Variants in THSD7A observed in about 807,000 individuals in gnomAD.
THSD7A encodes the protein thrombospondin type 1 domain containing 7A, also known as thrombospondin type-1 domain-containing protein 7A.
In THSD7A, 96 loss-of-function variants were observed where a neutral mutation model predicts 231.3. The ratio of observed to expected loss-of-function variants is 0.41; its 90% CI spans 0.35 to 0.49. THSD7A has a LOEUF of 0.49. Among genes scored for constraint, THSD7A ranks in the 20% least tolerant of loss-of-function variants. The pLI is 0.05. For missense variants in THSD7A, 2,290 were observed against 2,070.2 expected (o/e 1.11, Z -2.06); for synonymous variants, 940 against 743.3 (o/e 1.26, Z -4.30).
At chr7:11,560,627 A>G (rs1417039361) in intron 4 of THSD7A, among the ~76,000 whole-genome samples, 1 of 152,130 alleles carries the variant, frequency 6.6e-6, no homozygotes, top group African/African-American at 2.4e-5. Context: ...TTGCTCCCTT[A>G]TAGCATGCAA....
chr7:11,770,306 G>C (rs891378701), intron 1 of THSD7A, among the ~76,000 whole-genome samples: 2 of 151,944 alleles, frequency 1.3e-5, no homozygotes, highest in African/African-American at 2.4e-5. Flanking sequence ...TTTGCTAATA[G>C]AAAATAATAA....
intron 1 of THSD7A, among the ~76,000 whole-genome samples, chr7:11,732,316 G>A (rs1335859140): frequency 6.6e-6 from 1 of 151,750 alleles, no homozygotes. Context: ...AATGTAAATA[G>A]ATGAACTGCA....
At chr7:11,684,685 A>G (rs1386143944) in intron 1 of THSD7A, among the ~76,000 whole-genome samples, 1 of 152,014 alleles carries the variant, frequency 6.6e-6, no homozygotes, top group Non-Finnish European at 1.5e-5. Context: ...CAGGTGAAAG[A>G]TCTCTACAAG....
At chr7:11,806,167 G>A (rs960177840) in intron 1 of THSD7A, among the ~76,000 whole-genome samples, 11 of 152,060 alleles carry the variant, frequency 7.2e-5, no homozygotes, top group African/African-American at 2.7e-4. Flanking sequence ...AATAATTCAC[G>A]TAAGTCTTCC....
At chr7:11,609,346 T>C (rs1780843244) in intron 2 of THSD7A, among the ~76,000 whole-genome samples, 1 of 152,102 alleles carries the variant, frequency 6.6e-6, no homozygotes, top group South Asian at 2.1e-4. Context: ...CCATGAAACC[T>C]TCATGGGACA....
intron 6 of THSD7A, among the ~76,000 whole-genome samples, chr7:11,531,869 A>G (rs756266673): frequency 6.6e-6 from 1 of 152,186 alleles, no homozygotes; most frequent in Non-Finnish European, 1.5e-5. Context: ...AATATAGCAT[A>G]TAGGAAACAG....
chr7:11,476,318 TACACACACACACACACACACACACACAC>T lies in THSD7A; in HGVS notation c.2018-1778_2018-1751del, dbSNP rs59127235. Among the ~76,000 whole-genome samples, 28 of 137,392 alleles carry T rather than the reference TACACACACACACACACACACACACACAC, an allele frequency of 2.0e-4. No homozygotes were observed. The East Asian group carries it at 5.0e-3, about 24-fold the overall frequency. The allele number at this position is 137,392 out of a possible 152,430, so 90.1% of individuals were successfully genotyped here. A position where few individuals can be genotyped will look rare whatever the true frequency, so the allele number is the denominator to read the frequency against. ...AACCAGAAGTCAAGCCTCTGGAAGA[TACACACACACACACACACACACACACAC>T]ACACACACACACACACCATTTTTTT... On this transcript the variant is annotated intron_variant, in intron 7 of 27. Transcript: ENST00000423059.
chr7:11,461,510 G>C (rs4719276), intron 10 of THSD7A, among the ~76,000 whole-genome samples: 1 of 151,970 alleles, frequency 6.6e-6, no homozygotes, highest in African/African-American at 2.4e-5. Context: ...ATATAGCTTC[G>C]ATAACTACAA....
chr7:11,451,309 G>T (rs1785136128), intron 11 of THSD7A, among the ~76,000 whole-genome samples: 2 of 151,954 alleles, frequency 1.3e-5, no homozygotes, highest in African/African-American at 4.8e-5. Flanking sequence ...AAAATTATTA[G>T]ATAAAAGTAT....
At chr7:11,707,857 G>C (rs1245136591) in intron 1 of THSD7A, among the ~76,000 whole-genome samples, 1 of 150,712 alleles carries the variant, frequency 6.6e-6, no homozygotes, top group African/African-American at 2.4e-5. Flanking sequence ...TTTATTCAAG[G>C]ATCTCTATCT....
chr7:11,677,634 C>G (rs1783696645), intron 1 of THSD7A, among the ~76,000 whole-genome samples: 3 of 126,676 alleles, frequency 2.4e-5, no homozygotes, highest in Middle Eastern at 8.6e-3. Flanking sequence ...CAATCCTAGT[C>G]TCTGATAAAA....
chr7:11,561,081 T>C (rs185555992), intron 4 of THSD7A, among the ~76,000 whole-genome samples: 232 of 152,236 alleles, frequency 1.5e-3, no homozygotes, highest in Admixed American at 2.7e-3. Flanking sequence ...TGAGAAAGTA[T>C]AGATTTCAGA....
chr7:11,831,640 T>C lies in THSD7A; in HGVS notation c.190+117A>G. The C allele has an allele frequency of 1.6e-6, 1 of 630,180 alleles. No individual in the cohort carries two copies. The highest frequency in any genetic ancestry group is 2.3e-6 in the Non-Finnish European group (1 of 442,152). The allele number at this position is 630,180 out of a possible 1,614,324, so 39.0% of individuals were successfully genotyped here. On this transcript the variant is annotated intron_variant, in intron 1 of 27. Coordinates refer to ENST00000423059, the MANE Select transcript of THSD7A (RefSeq NM_015204.3). The surrounding 1 kb of genome is among the most constrained non-coding windows in gnomAD (Gnocchi z 5.0). ...TCCTAAGAAATCATACTTTTTACCT[T>C]AGGATACCAGCATAACCAAGCCATC...
Position 11,397,116 on chromosome 7 carries a change from T to C in THSD7A, c.4411+4679A>G, listed in dbSNP as rs556248289. Among the ~76,000 whole-genome samples the C allele has an allele frequency of 2.6e-5, 4 of 152,278 alleles. No individual in the cohort carries two copies. In the South Asian group the frequency reaches 8.3e-4, roughly 32 times the overall value. On this transcript the variant is annotated intron_variant, in intron 23 of 27. Transcript: ENST00000423059. ...CTAAAAACTCTCAATAAACTAGGTA[T>C]TGATGGAACATATCTCAAAATAATA...
chr7:11,609,665 A>G (rs1584075975), intron 2 of THSD7A, among the ~76,000 whole-genome samples: 1 of 152,290 alleles, frequency 6.6e-6, no homozygotes, highest in Non-Finnish European at 1.5e-5. Context: ...AGGATCCTGT[A>G]TTGTGACCAC....
At chr7:11,652,240 G>GA (rs909869975) in intron 1 of THSD7A, among the ~76,000 whole-genome samples, 12 of 150,312 alleles carry the variant, frequency 8.0e-5, no homozygotes, top group East Asian at 3.9e-4. Context: ...TCAGGCTGAA[G>GA]AAAAAAAAAG....
Position 11,469,934 on chromosome 7 carries a change from G to A in THSD7A, c.2313C>T (p.Asp771=), listed in dbSNP as rs2285744. 5 of 1,601,166 alleles carry A rather than the reference G, an allele frequency of 3.1e-6. No individual in the cohort carries two copies. ...AGTCACTATATGGGGTCACAATACA[G>A]TCCTTCTTACAAGGAAGCAGACAAG... ...VRPCLLPCKK[D]CIVTPYSDWT... is the part of the protein sequence containing the mutation. The change falls in exon 9 of 28, where the codon GAC becomes GAT. Residue 771 remains aspartate, a synonymous_variant. Transcript: ENST00000423059.
At chr7:11,708,028 C>A (rs1780827623) in intron 1 of THSD7A, among the ~76,000 whole-genome samples, 1 of 150,610 alleles carries the variant, frequency 6.6e-6, no homozygotes, top group African/African-American at 2.4e-5. Flanking sequence ...CAATTTTGTC[C>A]CTTAATAGTC....
intron 1 of THSD7A, among the ~76,000 whole-genome samples, chr7:11,723,926 A>G (rs1781450864): frequency 6.6e-6 from 1 of 152,048 alleles, no homozygotes; most frequent in Admixed American, 6.6e-5. Context: ...GTGGGAAGCT[A>G]CTGGATGGTT....
Sources: gnomAD v4.1 joint callset for allele counts (sites outside exome capture counted in the v4.1 genomes callset) on GRCh38, gnomAD v4.1.1 for gene constraint, Gnocchi (gnomAD v3.1) non-coding constraint, MANE v1.5 for transcripts, NCBI Gene and HGNC (gene_info 2026-07-23, HGNC 2026-07-21) for gene names.